GRIK5: variants seen among roughly 807,000 people sequenced by gnomAD.
GRIK5 encodes the protein glutamate ionotropic receptor kainate type subunit 5.
In GRIK5, 43 loss-of-function variants were observed where a neutral mutation model predicts 97.4. The observed-to-expected ratio is 0.44, with a 90% CI of 0.35 to 0.57. GRIK5 has a LOEUF of 0.57. Among genes scored for constraint, GRIK5 ranks in the 20% least tolerant of loss-of-function variants. GRIK5 has a pLI of 0.01. For missense variants in GRIK5, 1,015 were observed against 1,382.0 expected, an observed-to-expected ratio of 0.73 and a Z score of 4.21; for synonymous variants, 580 against 583.5, an observed-to-expected ratio of 0.99 and a Z score of 0.09.
At chr19:42,041,906 T>A (rs2075981961) in intron 12 of GRIK5, among the ~76,000 whole-genome samples, 1 of 152,054 alleles carries the variant, frequency 6.6e-6, no homozygotes, top group Non-Finnish European at 1.5e-5. Context: ...TCCTCTGAGC[T>A]CCCCAATCAC....
intron 15 of GRIK5, among the ~76,000 whole-genome samples, chr19:42,015,014 G>C (rs962866401): frequency 6.6e-6 from 1 of 152,200 alleles, no homozygotes; most frequent in Admixed American, 6.5e-5. Flanking sequence ...GCCTATATTA[G>C]TATCAAAAAA....
Position 42,003,243 on chromosome 19 carries a change from C to A in GRIK5, c.2514+89G>T. On this transcript the variant is annotated intron_variant, in intron 19 of 19. Transcript: ENST00000593562. The surrounding 1 kb of genome is among the most constrained non-coding windows in gnomAD (Gnocchi z 4.2). ...CCCTTCTCGCGATCCCCACCACCCT[C>A]CAGGTATGGCTCCCAATGCCACAAT... The A allele has an allele frequency of 8.0e-7, 1 of 1,243,214 alleles. No individual in the cohort carries two copies. 77.0% of individuals were successfully genotyped at this position (1,243,214 alleles called of 1,614,324 possible).
chr19:42,015,900 C>T (rs570583675), intron 15 of GRIK5, among the ~76,000 whole-genome samples: 23 of 152,226 alleles, frequency 1.5e-4, no homozygotes, highest in African/African-American at 5.3e-4. Flanking sequence ...ATTCCCAGCA[C>T]GTAATAATGA....
intron 15 of GRIK5, among the ~76,000 whole-genome samples, chr19:42,010,135 A>G (rs1555873696): frequency 1.3e-5 from 2 of 152,220 alleles, no homozygotes; most frequent in South Asian, 2.1e-4. Context: ...TAAAGCACAG[A>G]AAGGAAAAAG....
intron 12 of GRIK5, among the ~76,000 whole-genome samples, chr19:42,032,325 G>A (rs2075849747): frequency 6.6e-6 from 1 of 152,190 alleles, no homozygotes; most frequent in Non-Finnish European, 1.5e-5. Context: ...TTTAGAGATT[G>A]GTAACACTGA....
At chr19:42,054,247 G>T in intron 9 of GRIK5, 73 bp downstream of exon 9, 1 of 1,491,904 alleles carries the variant, frequency 6.7e-7, no homozygotes, top group Non-Finnish European at 9.1e-7. Context: ...AGGGCCACAG[G>T]GTGGTCACAG....
chr19:41,999,242 T>G lies in GRIK5; in HGVS notation c.2572A>C (p.Thr858Pro). Reference sequence around the variant, plus strand: ...CGTCGGCGCCGGCGGGAACGCGACGTCTTGCGGCAAGAAACGGCGTGGCGC... The same window carrying G: ...CGTCGGCGCCGGCGGGAACGCGACGGCTTGCGGCAAGAAACGGCGTGGCGC... ...ELRHAVSCRKTSRSRRRRRPG... is the reference protein window; with the variant it reads ...ELRHAVSCRKPSRSRRRRRPG... The change falls in exon 20 of 20, where the codon ACG becomes CCG. Residue 858 changes from threonine to proline, a missense_variant. Thr to Pro is a conservative substitution (Grantham distance 38). Around this residue, in one of 5 missense-constraint regions of GRIK5, gnomAD observed 229 missense variants for 341.0 expected, o/e 0.67. Transcript: ENST00000593562. This position sits in a 1 kb window ranked among gnomAD's most constrained non-coding sequence, Gnocchi z 5.0. 6.6e-7 allele frequency: 1 copy of G among 1,524,056 alleles called. No homozygotes were observed. The highest frequency in any genetic ancestry group is 8.8e-7 in the Non-Finnish European group (1 of 1,142,478). 94.4% of individuals were successfully genotyped at this position (1,524,056 alleles called of 1,614,324 possible). A position where few individuals can be genotyped will look rare whatever the true frequency, so the allele number is the denominator to read the frequency against.
intron 17 of GRIK5, among the ~76,000 whole-genome samples, chr19:42,004,417 C>T (rs1482284623): frequency 6.6e-6 from 1 of 152,168 alleles, no homozygotes; most frequent in Non-Finnish European, 1.5e-5. Context: ...GACTAAGATA[C>T]TTCCCGACCA....
intron 5 of GRIK5, among the ~76,000 whole-genome samples, chr19:42,059,856 T>C (rs537804312): frequency 6.6e-6 from 1 of 152,240 alleles, no homozygotes; most frequent in South Asian, 2.1e-4. Flanking sequence ...ACAGCATCTC[T>C]AGTGTGCCAG....
intron 11 of GRIK5, among the ~76,000 whole-genome samples, chr19:42,046,207 A>G (rs945816677): frequency 6.6e-6 from 1 of 152,198 alleles, no homozygotes; most frequent in African/African-American, 2.4e-5. Context: ...TCCTTCCACT[A>G]TGCCAAGCTG....
rs2075409633 is a variant in GRIK5 at position 41,999,740 on chromosome 19, G to C, written c.2515-441C>G. 6.6e-6 allele frequency among the ~76,000 whole-genome samples: 1 copy of C among 152,216 alleles called. No individual in the cohort carries two copies. The highest frequency in any genetic ancestry group is 1.5e-5 in the Non-Finnish European group (1 of 68,046). ...ATGGCAGAGAAGGAAACAGACAGAA[G>C]TCCCAGCCCTCGTGGAGGTTATGCT... On this transcript the variant is annotated intron_variant, in intron 19 of 19. Coordinates refer to ENST00000593562, the MANE Select transcript of GRIK5 (RefSeq NM_002088.5). This position sits in a 1 kb window ranked among gnomAD's most constrained non-coding sequence, Gnocchi z 5.0.
In GRIK5 at chr19:42,024,121, C is replaced by T. The variant is rs534351984; in HGVS notation, c.1474-1767G>A. ...AAGCTCTTCTTCCCCGTTCCAGGCT[C>T]CCATCACACCCACCCCTTCAGCCCT... On this transcript the variant is annotated intron_variant, in intron 12 of 19. Coordinates refer to ENST00000593562, the MANE Select transcript of GRIK5 (RefSeq NM_002088.5). Among the ~76,000 whole-genome samples the T allele has an allele frequency of 5.3e-5, 8 of 152,212 alleles. No individual in the cohort carries two copies. In the South Asian group the frequency reaches 1.7e-3, roughly 32 times the overall value.
intron 15 of GRIK5, among the ~76,000 whole-genome samples, chr19:42,015,504 G>A (rs913393656): frequency 6.6e-6 from 1 of 152,300 alleles, no homozygotes; most frequent in East Asian, 1.9e-4. Context: ...AAGATCTCTG[G>A]AAAATCCCCA....
intron 15 of GRIK5, among the ~76,000 whole-genome samples, chr19:42,016,070 C>T (rs2075620259): frequency 1.3e-5 from 2 of 152,200 alleles, no homozygotes; most frequent in South Asian, 2.1e-4. Context: ...CTCAACCTCT[C>T]CAGAAACCAA....
intron 12 of GRIK5, among the ~76,000 whole-genome samples, chr19:42,027,771 G>A (rs149053125): frequency 6.6e-6 from 1 of 152,150 alleles, no homozygotes; most frequent in Non-Finnish European, 1.5e-5. Flanking sequence ...TCCTCCCAGA[G>A]CCTTTGGAGC....
intron 12 of GRIK5, among the ~76,000 whole-genome samples, chr19:42,037,357 G>A (rs2075919363): frequency 6.6e-6 from 1 of 152,316 alleles, no homozygotes; most frequent in South Asian, 2.1e-4. Flanking sequence ...TACTTAGGAG[G>A]CTGAGGCAGG....
chr19:42,003,520 G>T lies in GRIK5; in HGVS notation c.2392+35C>A, dbSNP rs782591880. 1.2e-6 allele frequency: 2 copies of T among 1,602,846 alleles called. No homozygotes were observed. Among genetic ancestry groups the T allele is most frequent in the Non-Finnish European group, 8.5e-7 (1 of 1,171,880 alleles). On this transcript the variant is annotated intron_variant, in intron 18 of 19. Coordinates refer to ENST00000593562, the MANE Select transcript of GRIK5 (RefSeq NM_002088.5). The surrounding 1 kb of genome is among the most constrained non-coding windows in gnomAD (Gnocchi z 4.2). ...TGTGTGGGAAGGGGGCTGGGAGGGGGCTATGGGAAGGGGACACCATACGCG... is the reference window on the plus strand; with the variant it reads ...TGTGTGGGAAGGGGGCTGGGAGGGGTCTATGGGAAGGGGACACCATACGCG...
chr19:42,018,196 C>T (rs928144702), intron 15 of GRIK5, among the ~76,000 whole-genome samples: 4 of 141,270 alleles, frequency 2.8e-5, no homozygotes, highest in South Asian at 2.3e-4. Context: ...TGGTGTTGGG[C>T]GCCTGTAGTC....
intron 12 of GRIK5, among the ~76,000 whole-genome samples, chr19:42,032,175 T>C (rs2075848001): frequency 6.6e-6 from 1 of 152,144 alleles, no homozygotes; most frequent in South Asian, 2.1e-4. Context: ...TAAAAACACC[T>C]GGAAACAACT....
Sources: allele counts gnomAD v4.1 joint callset (sites outside exome capture counted in the v4.1 genomes callset), GRCh38; gene constraint gnomAD v4.1.1; regional missense constraint gnomAD v4.1.1; non-coding constraint Gnocchi (gnomAD v3.1); transcripts MANE v1.5; gene names NCBI Gene and HGNC (gene_info 2026-07-23, HGNC 2026-07-21).